Variants in DCC observed in about 807,000 individuals in gnomAD.
DCC encodes netrin receptor DCC.
DCC carries 58 observed loss-of-function variants against 172.5 expected under a neutral mutation model. The observed-to-expected ratio is 0.34, with a 90% CI of 0.27 to 0.42. The LOEUF (loss-of-function observed/expected upper bound fraction) is 0.42. Among genes scored for constraint, DCC ranks in the 10% least tolerant of loss-of-function variants. DCC has a pLI of 1.00. For synonymous variants in DCC, 709 were observed against 644.5 expected (o/e 1.10, Z -1.52); for missense variants, 1,740 against 1,791.0 (o/e 0.97, Z 0.51).
intron 12 of DCC, among the ~76,000 whole-genome samples, chr18:53,293,879 C>T (rs1193490780): frequency 6.6e-6 from 1 of 152,074 alleles, no homozygotes; most frequent in Non-Finnish European, 1.5e-5. Flanking sequence ...TACTAGCCTA[C>T]CAGACTCTCA....
At chr18:52,716,560 T>A (rs1315774618) in intron 1 of DCC, among the ~76,000 whole-genome samples, 1 of 152,202 alleles carries the variant, frequency 6.6e-6, no homozygotes, top group East Asian at 1.9e-4. Context: ...AGATGGTGAA[T>A]ATAAGTAAGT....
chr18:52,747,981 G>A (rs1018719866), intron 1 of DCC, among the ~76,000 whole-genome samples: 1 of 152,188 alleles, frequency 6.6e-6, no homozygotes, highest in African/African-American at 2.4e-5. Context: ...ACTGGGTTCC[G>A]AGCTGGCCGC....
chr18:53,186,618 T>C (rs1036612734), intron 9 of DCC, among the ~76,000 whole-genome samples: 1 of 152,236 alleles, frequency 6.6e-6, no homozygotes, highest in Non-Finnish European at 1.5e-5. Flanking sequence ...TATTTTTCTA[T>C]GCAGTTCATA....
chr18:52,695,262 T>C (rs1427234038), intron 1 of DCC, among the ~76,000 whole-genome samples: 1 of 152,202 alleles, frequency 6.6e-6, no homozygotes, highest in Non-Finnish European at 1.5e-5. Flanking sequence ...ATAATTACTT[T>C]GTATTACTTT....
At chr18:52,707,336 C>A (rs2036227098) in intron 1 of DCC, among the ~76,000 whole-genome samples, 1 of 152,088 alleles carries the variant, frequency 6.6e-6, no homozygotes, top group South Asian at 2.1e-4. Flanking sequence ...TTTCATTATA[C>A]CTTTCTAAGT....
At chr18:52,940,543 T>A (rs1329607788) in intron 5 of DCC, among the ~76,000 whole-genome samples, 1 of 152,208 alleles carries the variant, frequency 6.6e-6, no homozygotes, top group East Asian at 1.9e-4. Context: ...ATGACTGCAC[T>A]GAGACAGATC....
chr18:53,232,199 T>C lies in DCC; in HGVS notation c.1911+16602T>C, dbSNP rs970812811. Reference sequence around the variant, plus strand: ...GTCAAGGGCCCCCCTCCCCCTTCTCTCCACCAATGCTTCTCTTCTCCAAGT... The same window carrying C: ...GTCAAGGGCCCCCCTCCCCCTTCTCCCCACCAATGCTTCTCTTCTCCAAGT... On this transcript the variant is annotated intron_variant, in intron 12 of 28. Coordinates refer to ENST00000442544, the MANE Select transcript of DCC (RefSeq NM_005215.4). Among the ~76,000 whole-genome samples, 8 of 152,152 alleles carry C rather than the reference T, an allele frequency of 5.3e-5. No individual in the cohort carries two copies. In the East Asian group the frequency reaches 1.5e-3, roughly 29 times the overall value.
chr18:52,765,432 C>T (rs905074422), intron 2 of DCC, among the ~76,000 whole-genome samples: 1 of 152,090 alleles, frequency 6.6e-6, no homozygotes, highest in Non-Finnish European at 1.5e-5. Flanking sequence ...CACGGCTTTG[C>T]ACCCTTTATT....
chr18:53,027,491 A>G (rs2041970680), intron 5 of DCC, among the ~76,000 whole-genome samples: 1 of 152,152 alleles, frequency 6.6e-6, no homozygotes, highest in African/African-American at 2.4e-5. Flanking sequence ...ACTATGAATA[A>G]TTTTCAGGCA....
chr18:53,063,540 A>C (rs2042525911), intron 6 of DCC, 81 bp downstream of exon 6: 2 of 1,229,954 alleles, frequency 1.6e-6, no homozygotes, highest in Admixed American at 2.2e-5. Context: ...TTCTTGAAAA[A>C]AAAAAAGGTT....
At chr18:53,514,983 A>G (rs1275642669) in intron 27 of DCC, among the ~76,000 whole-genome samples, 11 of 151,602 alleles carry the variant, frequency 7.3e-5, no homozygotes, top group Non-Finnish European at 1.2e-4. Flanking sequence ...AAAGCCAGGC[A>G]GAGACACAAC....
chr18:52,387,320 T>C (rs1985839131), intron 1 of DCC, among the ~76,000 whole-genome samples: 1 of 151,986 alleles, frequency 6.6e-6, no homozygotes, highest in Non-Finnish European at 1.5e-5. Flanking sequence ...GATAAATGGA[T>C]CTTGTGGGAA....
intron 5 of DCC, among the ~76,000 whole-genome samples, chr18:53,037,365 C>G (rs2042109123): frequency 1.3e-5 from 2 of 151,918 alleles, no homozygotes; most frequent in South Asian, 4.1e-4. Flanking sequence ...ATATTGCCTA[C>G]TTAACAGGAA....
At chr18:52,883,659 T>C (rs976347690) in intron 2 of DCC, among the ~76,000 whole-genome samples, 1 of 152,062 alleles carries the variant, frequency 6.6e-6, no homozygotes, top group Non-Finnish European at 1.5e-5. Context: ...TTGTACTTAT[T>C]GTACTCTTGA....
intron 12 of DCC, among the ~76,000 whole-genome samples, chr18:53,280,931 A>C (rs929833238): frequency 6.6e-6 from 1 of 152,100 alleles, no homozygotes; most frequent in Admixed American, 6.6e-5. Context: ...TTGTAATTTC[A>C]GGTTAAATAT....
Position 53,428,570 on chromosome 18 carries a change from A to T in DCC, c.3164-6574A>T, listed in dbSNP as rs868188420. 5.9e-4 allele frequency among the ~76,000 whole-genome samples: 26 copies of T among 43,754 alleles called. 1 individual carries two copies. Among genetic ancestry groups the T allele is most frequent in the African/African-American group, 1.1e-3 (15 of 13,416 alleles). 28.7% of individuals were successfully genotyped at this position (43,754 alleles called of 152,430 possible). A position where few individuals can be genotyped will look rare whatever the true frequency, so the allele number is the denominator to read the frequency against. On this transcript the variant is annotated intron_variant, in intron 21 of 28. Coordinates refer to ENST00000442544, the MANE Select transcript of DCC (RefSeq NM_005215.4). ...TATAAATATATTTATATATATATTT[A>T]TATATATAAAATATATATTTTTATA...
Position 52,681,139 on chromosome 18 carries a change from C to A in DCC, c.92-70915C>A, listed in dbSNP as rs148324342. 8.5e-3 allele frequency among the ~76,000 whole-genome samples: 1,286 copies of A among 152,108 alleles called. 10 individuals are homozygous for A. Among genetic ancestry groups the A allele is most frequent in the Non-Finnish European group, 0.014 (966 of 67,970 alleles). On this transcript the variant is annotated intron_variant, in intron 1 of 28. Coordinates refer to ENST00000442544, the MANE Select transcript of DCC (RefSeq NM_005215.4). ...AACATGACTTTGATATGCTGTTAGT[C>A]CCATTTTACAGAGAAGAATGCAGAA...
At chr18:53,358,630 C>T (rs1316305710) in intron 15 of DCC, among the ~76,000 whole-genome samples, 1 of 143,606 alleles carries the variant, frequency 7.0e-6, no homozygotes, top group Non-Finnish European at 1.5e-5. Flanking sequence ...AACCGATTCT[C>T]CTGCCTCAGC....
chr18:53,503,587 T>G (rs755265260), intron 27 of DCC, among the ~76,000 whole-genome samples: 1 of 152,214 alleles, frequency 6.6e-6, no homozygotes, highest in Non-Finnish European at 1.5e-5. Flanking sequence ...GCATTATAGA[T>G]CTGACATAAA....
Sources: allele counts gnomAD v4.1 joint callset (sites outside exome capture counted in the v4.1 genomes callset), GRCh38; gene constraint gnomAD v4.1.1; transcripts MANE v1.5; gene names NCBI Gene and HGNC (gene_info 2026-07-23, HGNC 2026-07-21).